RNFT2: variants seen among roughly 807,000 people sequenced by gnomAD.
RNFT2 encodes the protein E3 ubiquitin-protein ligase RNFT2.
Under a neutral mutation model 53.0 loss-of-function variants are expected in RNFT2, and 36 were observed. The observed-to-expected ratio is 0.68, with a 90% CI of 0.52 to 0.90. The LOEUF is 0.90. RNFT2 is among the 40% of genes least tolerant of loss of function. The pLI, the probability that RNFT2 is intolerant of heterozygous loss-of-function variation, is 0.00. For missense variants in RNFT2, 514 were observed against 585.6 expected, an observed-to-expected ratio of 0.88 and a Z score of 1.26; for synonymous variants, 260 against 253.2, an observed-to-expected ratio of 1.03 and a Z score of -0.26.
rs537855182 is a variant in RNFT2 at position 116,837,403 on chromosome 12, C to T, written c.1200+1121C>T. 3.0e-3 allele frequency among the ~76,000 whole-genome samples: 451 copies of T among 151,676 alleles called. 6 individuals are homozygous for T. Among genetic ancestry groups the T allele is most frequent in the Non-Finnish European group, 3.2e-3 (215 of 67,894 alleles). The stretch of plus-strand genomic sequence containing the variant: ...TGTCTCGGGGGACTGAGGCAGAGAG[C>T]GATGAGTTCCAGGTTGGGAAGGGTT... On this transcript the variant is annotated intron_variant, in intron 10 of 10. Transcript: ENST00000257575.
At chr12:116,739,400 G>A (rs1157008970) in intron 1 of RNFT2, among the ~76,000 whole-genome samples, 2 of 152,210 alleles carry the variant, frequency 1.3e-5, no homozygotes, top group Non-Finnish European at 2.9e-5. Flanking sequence ...AGGCAGAGGG[G>A]TGATCCAAGT....
rs1222390731 is a variant in RNFT2 at position 116,852,426 on chromosome 12, G to A, written c.*2978G>A. The A allele has an allele frequency of 2.8e-5, 39 of 1,377,624 alleles. No homozygotes were observed. The highest frequency in any genetic ancestry group is 3.6e-5 in the Non-Finnish European group (38 of 1,064,306). 85.3% of individuals were successfully genotyped at this position (1,377,624 alleles called of 1,614,324 possible). ...GCTCTCTCCTGGTACCCAGCAAGAC[G>A]TCTGTTCCAGGGCAGTGTAGCATCT... On this transcript the variant is annotated 3_prime_UTR_variant, in exon 11 of 11. Coordinates refer to ENST00000257575, the MANE Select transcript of RNFT2 (RefSeq NM_001382266.1).
chr12:116,808,163 C>T (rs1414742187), intron 7 of RNFT2, among the ~76,000 whole-genome samples: 1 of 152,124 alleles, frequency 6.6e-6, no homozygotes, highest in Non-Finnish European at 1.5e-5. Context: ...GGGGGTTTCA[C>T]CATGTTGGCC....
chr12:116,811,753 C>A (rs539727412), intron 7 of RNFT2, among the ~76,000 whole-genome samples: 2 of 152,328 alleles, frequency 1.3e-5, no homozygotes, highest in Admixed American at 6.5e-5. Flanking sequence ...GAAATCCAGG[C>A]CCTGTTGCAG....
chr12:116,751,007 C>T (rs1872227441), intron 4 of RNFT2, among the ~76,000 whole-genome samples: 1 of 149,162 alleles, frequency 6.7e-6, no homozygotes, highest in South Asian at 2.1e-4. Context: ...ACTTTTGCCT[C>T]CCAGGTTGGT....
chr12:116,840,861 G>A (rs1406387219), intron 10 of RNFT2, among the ~76,000 whole-genome samples: 1 of 152,114 alleles, frequency 6.6e-6, no homozygotes, highest in Non-Finnish European at 1.5e-5. Flanking sequence ...TTAATTCTAA[G>A]TCTGGACTTG....
chr12:116,828,059 G>T (rs1461771196), intron 7 of RNFT2, among the ~76,000 whole-genome samples: 1 of 152,164 alleles, frequency 6.6e-6, no homozygotes, highest in Non-Finnish European at 1.5e-5. Context: ...GTTTCATGGG[G>T]TAGCCGTGTC....
intron 7 of RNFT2, among the ~76,000 whole-genome samples, chr12:116,810,083 A>G (rs1480250490): frequency 3.3e-5 from 5 of 152,162 alleles, no homozygotes; most frequent in African/African-American, 1.2e-4. Context: ...GATATATTGG[A>G]CACCCCAGAG....
intron 4 of RNFT2, 111 bp from the exon 5 acceptor site, chr12:116,753,872 TC>T (rs749656890): frequency 2.7e-6 from 2 of 751,790 alleles, no homozygotes; most frequent in Non-Finnish European, 2.3e-6. Flanking sequence ...TTCTCTCTCT[TC>T]TGTCAACTCT....
chr12:116,836,040 G>A lies in RNFT2; in HGVS notation c.1098+15G>A. ...GTACCTCTCAGGTGAGTTGGCTTCA[G>A]GTGGTCCCCACCAGGGTCCTGAGAA... On this transcript the variant is annotated intron_variant, in intron 9 of 10. Coordinates refer to ENST00000257575, the MANE Select transcript of RNFT2 (RefSeq NM_001382266.1). The A allele has an allele frequency of 6.2e-7, 1 of 1,613,942 alleles. No individual in the cohort carries two copies.
chr12:116,826,314 T>A (rs1028448901), intron 7 of RNFT2, among the ~76,000 whole-genome samples: 1 of 151,846 alleles, frequency 6.6e-6, no homozygotes, highest in Non-Finnish European at 1.5e-5. Flanking sequence ...ACCCCCTTTA[T>A]CTGAATCCAA....
chr12:116,741,374 C>T (rs922831472), intron 3 of RNFT2, among the ~76,000 whole-genome samples: 1 of 152,176 alleles, frequency 6.6e-6, no homozygotes, highest in Non-Finnish European at 1.5e-5. Flanking sequence ...GCTGCTATCA[C>T]AAAAATATCA....
At chr12:116,794,295 G>T (rs759938322) in intron 7 of RNFT2, among the ~76,000 whole-genome samples, 55 of 151,772 alleles carry the variant, frequency 3.6e-4, no homozygotes, top group Admixed American at 1.4e-3. Flanking sequence ...TGATCTATTA[G>T]AAGGTTTAAA....
chr12:116,753,694 C>T (rs1872360801), intron 4 of RNFT2, among the ~76,000 whole-genome samples: 1 of 152,240 alleles, frequency 6.6e-6, no homozygotes, highest in Non-Finnish European at 1.5e-5. Context: ...AGTGGCAGAG[C>T]TGGGAATTGA....
At chr12:116,829,849 G>A (rs150381368) in intron 7 of RNFT2, among the ~76,000 whole-genome samples, 2,947 of 152,176 alleles carry the variant, frequency 0.019, 52 homozygotes, top group Middle Eastern at 0.034. Context: ...CCAAAGTGCT[G>A]GGATTACAGG....
Position 116,766,708 on chromosome 12 carries a change from C to T in RNFT2, c.628-106C>T, listed in dbSNP as rs866616331. 4 of 837,408 alleles carry T rather than the reference C, an allele frequency of 4.8e-6. No homozygotes were observed. In the South Asian group the frequency reaches 5.0e-5, roughly 11 times the overall value. 51.9% of individuals were successfully genotyped at this position (837,408 alleles called of 1,614,324 possible). A position where few individuals can be genotyped will look rare whatever the true frequency, so the allele number is the denominator to read the frequency against. ...CTTCCTTTCACCTTCAGCACCACTTCCTTCAAAATGTTGACAAAGTGAAAA... is the reference window on the plus strand; with the variant it reads ...CTTCCTTTCACCTTCAGCACCACTTTCTTCAAAATGTTGACAAAGTGAAAA... On this transcript the variant is annotated intron_variant, in intron 5 of 10. Coordinates refer to ENST00000257575, the MANE Select transcript of RNFT2 (RefSeq NM_001382266.1).
chr12:116,790,999 C>G (rs574158188), intron 7 of RNFT2, among the ~76,000 whole-genome samples: 1 of 152,298 alleles, frequency 6.6e-6, no homozygotes, highest in African/African-American at 2.4e-5. Flanking sequence ...AACCATTAAT[C>G]ATTTTAGAGT....
chr12:116,816,655 T>C (rs1225531057), intron 7 of RNFT2, among the ~76,000 whole-genome samples: 6 of 152,334 alleles, frequency 3.9e-5, no homozygotes, highest in East Asian at 3.9e-4. Context: ...ATCTGAGCTC[T>C]ATAAGCTTAG....
intron 7 of RNFT2, among the ~76,000 whole-genome samples, chr12:116,785,845 T>A (rs1287937725): frequency 6.6e-6 from 1 of 152,018 alleles, no homozygotes; most frequent in East Asian, 1.9e-4. Flanking sequence ...GTTCATGAGT[T>A]CGAGACAAGC....
Sources: allele counts gnomAD v4.1 joint callset (sites outside exome capture counted in the v4.1 genomes callset), GRCh38; gene constraint gnomAD v4.1.1; transcripts MANE v1.5; gene names NCBI Gene and HGNC (gene_info 2026-07-23, HGNC 2026-07-21).